Variants in ARL15 observed in about 807,000 individuals in gnomAD.
ARL15 encodes the protein ARF like GTPase 15.
ARL15 carries 19 observed loss-of-function variants against 25.2 expected under a neutral mutation model. The observed-to-expected ratio is 0.75, with a 90% confidence interval of 0.53 to 1.10. The LOEUF is 1.10. Ranked by LOEUF, ARL15 falls within the 50% of genes least tolerant of loss-of-function variation. The pLI is 0.00. For missense variants in ARL15, 220 were observed against 246.0 expected (o/e 0.89, Z 0.71); for synonymous variants, 94 against 86.8 (o/e 1.08, Z -0.46).
chr5:54,282,367 T>G (rs574438135), intron 1 of ARL15: 6 of 985,456 alleles, frequency 6.1e-6, no homozygotes, highest in Non-Finnish European at 7.2e-6. Flanking sequence ...AAGAAATGTT[T>G]GTACCAAAGA....
chr5:54,035,132 T>A (rs1750130436), intron 4 of ARL15, among the ~76,000 whole-genome samples: 1 of 152,164 alleles, frequency 6.6e-6, no homozygotes, highest in Non-Finnish European at 1.5e-5. Flanking sequence ...ATTTAAATTT[T>A]TAAAATACTT....
At chr5:53,923,499 A>G (rs1196820498) in intron 4 of ARL15, among the ~76,000 whole-genome samples, 2 of 152,198 alleles carry the variant, frequency 1.3e-5, no homozygotes, top group African/African-American at 4.8e-5. Flanking sequence ...ATGCACAAAT[A>G]TAATAGGTTG....
At chr5:54,130,943 C>A (rs1342902498) in intron 3 of ARL15, among the ~76,000 whole-genome samples, 1 of 152,134 alleles carries the variant, frequency 6.6e-6, no homozygotes, top group East Asian at 1.9e-4. Context: ...GAACACAAAA[C>A]AGCTTTAAAT....
intron 4 of ARL15, among the ~76,000 whole-genome samples, chr5:53,915,384 A>G (rs1745607181): frequency 6.6e-6 from 1 of 152,248 alleles, no homozygotes; most frequent in African/African-American, 2.4e-5. Flanking sequence ...GAAAAAGATA[A>G]TAATTATAAC....
At chr5:54,285,416 T>C (rs1308766611) in intron 1 of ARL15, 4 of 727,890 alleles carry the variant, frequency 5.5e-6, no homozygotes, top group Non-Finnish European at 6.7e-6. Flanking sequence ...TTCAACAAGA[T>C]GGCAGAAAAT....
chr5:53,939,761 G>T (rs1409916932), intron 4 of ARL15, among the ~76,000 whole-genome samples: 1 of 151,760 alleles, frequency 6.6e-6, no homozygotes, highest in Non-Finnish European at 1.5e-5. Flanking sequence ...AATAAAGAAA[G>T]AAAGAAAAAG....
chr5:54,242,796 C>T (rs756406063), intron 1 of ARL15, among the ~76,000 whole-genome samples: 1 of 151,952 alleles, frequency 6.6e-6, no homozygotes, highest in Admixed American at 6.6e-5. Context: ...CCTTTTTTTC[C>T]TAGGTCAGTT....
chr5:54,009,532 A>G (rs1217673988), intron 4 of ARL15, among the ~76,000 whole-genome samples: 1 of 151,984 alleles, frequency 6.6e-6, no homozygotes, highest in East Asian at 1.9e-4. Context: ...GTCAAAAAAC[A>G]TTGCCCTGAA....
At chr5:54,242,427 C>T (rs1460694461) in intron 1 of ARL15, among the ~76,000 whole-genome samples, 1 of 152,124 alleles carries the variant, frequency 6.6e-6, no homozygotes, top group Non-Finnish European at 1.5e-5. Flanking sequence ...CCTCAAACTC[C>T]GAAGATAAGC....
At position 54,308,407 on chromosome 5, in the gene ARL15, T is replaced by TA. The variant is rs35073926; in HGVS notation, c.48+2024dup. 9.9e-5 allele frequency among the ~76,000 whole-genome samples: 15 copies of TA among 152,224 alleles called. No individual in the cohort carries two copies. The East Asian group carries it at 1.2e-3, about 12-fold the overall frequency. ...AAAGTGGCAAAATAATGATTTTTTT[T>TA]AAATATAAAAGTAAAACTAAGATGT... On this transcript the variant is annotated intron_variant, in intron 1 of 4. Transcript: ENST00000504924.
At chr5:53,918,181 TTTTA>T (rs112974035) in intron 4 of ARL15, among the ~76,000 whole-genome samples, 1 of 151,954 alleles carries the variant, frequency 6.6e-6, no homozygotes. Context: ...AAAAAGCAGA[TTTTA>T]TTTATTTATT....
intron 4 of ARL15, among the ~76,000 whole-genome samples, chr5:54,082,261 T>A (rs1314980344): frequency 1.3e-5 from 2 of 152,152 alleles, no homozygotes; most frequent in Non-Finnish European, 2.9e-5. Flanking sequence ...AAATACTACA[T>A]CTTGTGCATA....
intron 1 of ARL15, among the ~76,000 whole-genome samples, chr5:54,281,108 A>G (rs543367571): frequency 1.1e-3 from 163 of 152,298 alleles, no homozygotes; most frequent in African/African-American, 3.2e-3. Flanking sequence ...CTGTGCGCTC[A>G]CCATTCAAGT....
chr5:54,256,799 A>G (rs1757382349), intron 1 of ARL15, among the ~76,000 whole-genome samples: 1 of 151,938 alleles, frequency 6.6e-6, no homozygotes, highest in Non-Finnish European at 1.5e-5. Flanking sequence ...ATTCAAGTCA[A>G]TAAATGTAAT....
intron 4 of ARL15, among the ~76,000 whole-genome samples, chr5:54,029,752 G>A (rs1749914992): frequency 6.6e-6 from 1 of 152,082 alleles, no homozygotes; most frequent in African/African-American, 2.4e-5. Flanking sequence ...TCAGCACTTC[G>A]GGAGGCTGAG....
At chr5:54,230,328 G>C (rs1439368012) in intron 1 of ARL15, among the ~76,000 whole-genome samples, 2 of 129,040 alleles carry the variant, frequency 1.5e-5, no homozygotes, top group East Asian at 4.4e-4. Context: ...CCTGGAGACA[G>C]AGTGAGATTC....
At chr5:54,044,337 G>C (rs113086809) in intron 4 of ARL15, among the ~76,000 whole-genome samples, 13,466 of 148,536 alleles carry the variant, frequency 0.091, 785 homozygotes, top group African/African-American at 0.16. Flanking sequence ...TCTACCTCCT[G>C]AGTTCAAGCA....
rs3222349 is a variant in ARL15 at position 53,947,167 on chromosome 5, G to GGTGTGTGTGT, written c.463-60464_463-60455dup. Among the ~76,000 whole-genome samples, 912 of 123,644 alleles carry GGTGTGTGTGT rather than the reference G, an allele frequency of 7.4e-3. 13 individuals carry two copies. Among genetic ancestry groups the GGTGTGTGTGT allele is most frequent in the African/African-American group, 0.015 (483 of 32,954 alleles). The allele number at this position is 123,644 out of a possible 152,430, so 81.1% of individuals were successfully genotyped here. A position where few individuals can be genotyped will look rare whatever the true frequency, so the allele number is the denominator to read the frequency against. On this transcript the variant is annotated intron_variant, in intron 4 of 4. Coordinates refer to ENST00000504924, the MANE Select transcript of ARL15 (RefSeq NM_019087.3). The stretch of plus-strand genomic sequence containing the variant: ...CTAGCCAAAGAGAAAAATAAATAAG[G>GGTGTGTGTGT]GTGTGTGTGTGTGTGTGTGTGTGTG...
At chr5:54,115,856 T>C (rs564201881) in intron 3 of ARL15, among the ~76,000 whole-genome samples, 125 of 152,270 alleles carry the variant, frequency 8.2e-4, no homozygotes, top group African/African-American at 2.9e-3. Flanking sequence ...GTGGTGGAAC[T>C]AAGGAAACAG....
Sources: allele counts gnomAD v4.1 joint callset (sites outside exome capture counted in the v4.1 genomes callset), GRCh38; gene constraint gnomAD v4.1.1; transcripts MANE v1.5; gene names NCBI Gene and HGNC (gene_info 2026-07-23, HGNC 2026-07-21).